CCSER1: variants seen among roughly 807,000 people sequenced by gnomAD.
CCSER1 encodes the protein serine-rich coiled-coil domain-containing protein 1.
Under a neutral mutation model 82.0 loss-of-function variants are expected in CCSER1, and 41 were observed. The observed-to-expected ratio is 0.50, with a 90% CI of 0.39 to 0.65. The LOEUF (loss-of-function observed/expected upper bound fraction) is 0.65, where lower values mean the gene tolerates loss of function less well. Among genes scored for constraint, CCSER1 ranks in the 30% least tolerant of loss-of-function variants. The probability of loss-of-function intolerance (pLI) is 0.00; values close to 1 mark genes in which losing one functional copy is unlikely to be tolerated. For synonymous variants in CCSER1, 414 were observed against 383.9 expected (o/e 1.08, Z -0.92); for missense variants, 1,119 against 1,064.2 (o/e 1.05, Z -0.72).
chr4:91,033,425 C>T (rs1274273971), intron 9 of CCSER1, among the ~76,000 whole-genome samples: 1 of 152,130 alleles, frequency 6.6e-6, no homozygotes, highest in African/African-American at 2.4e-5. Flanking sequence ...CTTTGCACTC[C>T]AGTCTCCTGC....
At chr4:91,354,130 A>G (rs1748662741) in intron 10 of CCSER1, among the ~76,000 whole-genome samples, 1 of 152,206 alleles carries the variant, frequency 6.6e-6, no homozygotes, top group African/African-American at 2.4e-5. Flanking sequence ...AATGATTTTT[A>G]AAACAGCTTG....
At chr4:90,988,477 T>G (rs1736765729) in intron 9 of CCSER1, among the ~76,000 whole-genome samples, 1 of 151,606 alleles carries the variant, frequency 6.6e-6, no homozygotes, top group Non-Finnish European at 1.5e-5. Context: ...AATAGTCATA[T>G]CTTTGTAAAA....
chr4:90,807,849 C>T (rs998972282), intron 7 of CCSER1, among the ~76,000 whole-genome samples: 4 of 151,990 alleles, frequency 2.6e-5, no homozygotes, highest in Non-Finnish European at 5.9e-5. Context: ...AATGCAATTC[C>T]TATAAAAATA....
At chr4:90,750,212 G>A (rs1407919404) in intron 7 of CCSER1, among the ~76,000 whole-genome samples, 2 of 151,938 alleles carry the variant, frequency 1.3e-5, no homozygotes, top group Non-Finnish European at 2.9e-5. Context: ...AGATGAGTAG[G>A]TTGCGAAAAT....
intron 10 of CCSER1, among the ~76,000 whole-genome samples, chr4:91,376,161 C>T (rs1210540292): frequency 6.6e-6 from 1 of 152,040 alleles, no homozygotes; most frequent in African/African-American, 2.4e-5. Context: ...AACATTATGA[C>T]AATAGGTCAA....
chr4:90,503,111 C>T (rs958867954), intron 5 of CCSER1, among the ~76,000 whole-genome samples: 3 of 152,020 alleles, frequency 2.0e-5, no homozygotes, highest in African/African-American at 7.2e-5. Context: ...AAACTGAGTC[C>T]CTAAGCCAGG....
chr4:90,693,035 T>A (rs1444060120), intron 6 of CCSER1, among the ~76,000 whole-genome samples: 2 of 151,804 alleles, frequency 1.3e-5, no homozygotes, highest in African/African-American at 4.8e-5. Flanking sequence ...AATGTCAGAG[T>A]CAGGGTTAAA....
intron 5 of CCSER1, among the ~76,000 whole-genome samples, chr4:90,592,135 G>A (rs747079983): frequency 7.2e-5 from 11 of 151,994 alleles, no homozygotes; most frequent in Non-Finnish European, 1.6e-4. Flanking sequence ...AACCACCATG[G>A]CACATGTATG....
intron 9 of CCSER1, among the ~76,000 whole-genome samples, chr4:90,972,292 A>G (rs1258998921): frequency 6.6e-6 from 1 of 151,872 alleles, no homozygotes. Context: ...AAGTAACAGG[A>G]TATAAAATCA....
chr4:91,583,641 T>C (rs74376022), intron 10 of CCSER1, among the ~76,000 whole-genome samples: 10,103 of 151,548 alleles, frequency 0.067, 502 homozygotes, highest in South Asian at 0.16. Context: ...TTGAATAGAC[T>C]AGTGGAGTTT....
At chr4:90,357,508 T>TA (rs1744586469) in intron 3 of CCSER1, among the ~76,000 whole-genome samples, 3 of 152,012 alleles carry the variant, frequency 2.0e-5, no homozygotes. Flanking sequence ...GTAAAATTGT[T>TA]ACACGTCAGA....
chr4:90,731,465 A>G (rs2149403967), intron 7 of CCSER1, among the ~76,000 whole-genome samples: 1 of 152,316 alleles, frequency 6.6e-6, no homozygotes, highest in African/African-American at 2.4e-5. Context: ...CATAGGTAAA[A>G]CTAAACATAA....
chr4:90,250,399 T>C (rs1722185818), intron 1 of CCSER1, among the ~76,000 whole-genome samples: 1 of 152,104 alleles, frequency 6.6e-6, no homozygotes, highest in African/African-American at 2.4e-5. Context: ...TCACTTTTTG[T>C]GTAGAGTGCA....
chr4:91,116,768 A>C (rs1021683549), intron 10 of CCSER1, among the ~76,000 whole-genome samples: 3 of 152,170 alleles, frequency 2.0e-5, no homozygotes, highest in Non-Finnish European at 4.4e-5. Context: ...TAAACAAAAA[A>C]CAGGGATCAT....
chr4:90,732,861 C>G (rs187435494), intron 7 of CCSER1, among the ~76,000 whole-genome samples: 1 of 152,280 alleles, frequency 6.6e-6, no homozygotes, highest in Admixed American at 6.5e-5. Flanking sequence ...ATGATAGCAT[C>G]TAATTCTTTT....
chr4:91,215,959 A>G lies in CCSER1; in HGVS notation c.2217+129965A>G, dbSNP rs542898118. On this transcript the variant is annotated intron_variant, in intron 10 of 10. Coordinates refer to ENST00000509176, the MANE Select transcript of CCSER1 (RefSeq NM_001145065.2). Reference sequence around the variant, plus strand: ...TAATTTTCCCACCACCAAAATTTCAAATATGAGTTCATCTGTTTTGATCCT... The same window carrying G: ...TAATTTTCCCACCACCAAAATTTCAGATATGAGTTCATCTGTTTTGATCCT... Among the ~76,000 whole-genome samples, 303 of 152,328 alleles carry G rather than the reference A, an allele frequency of 2.0e-3. 2 individuals are homozygous for G. The highest frequency in any genetic ancestry group is 2.6e-3 in the Non-Finnish European group (178 of 68,030).
At chr4:90,858,716 T>C (rs754484884) in intron 8 of CCSER1, among the ~76,000 whole-genome samples, 1 of 151,958 alleles carries the variant, frequency 6.6e-6, no homozygotes, top group Non-Finnish European at 1.5e-5. Context: ...AAGCCTAATC[T>C]GATACCATAA....
chr4:91,260,585 T>C (rs1197559114), intron 10 of CCSER1, among the ~76,000 whole-genome samples: 1 of 152,178 alleles, frequency 6.6e-6, no homozygotes, highest in East Asian at 1.9e-4. Flanking sequence ...GATGGTCTTC[T>C]GTTAAACACC....
chr4:91,462,465 A>G (rs1326255852), intron 10 of CCSER1, among the ~76,000 whole-genome samples: 1 of 151,996 alleles, frequency 6.6e-6, no homozygotes, highest in Non-Finnish European at 1.5e-5. Context: ...TGCATTTCCA[A>G]CTGAGGTACC....
Sources: allele counts gnomAD v4.1 joint callset (sites outside exome capture counted in the v4.1 genomes callset), GRCh38; gene constraint gnomAD v4.1.1; transcripts MANE v1.5; gene names NCBI Gene and HGNC (gene_info 2026-07-23, HGNC 2026-07-21).